OTUD7A: variants seen among roughly 807,000 people sequenced by gnomAD.
OTUD7A encodes the protein OTU deubiquitinase 7A.
OTUD7A carries 12 observed loss-of-function variants against 65.7 expected under a neutral mutation model. The observed-to-expected ratio is 0.18, with a 90% CI of 0.12 to 0.30. The LOEUF (loss-of-function observed/expected upper bound fraction) is 0.30. Among genes scored for constraint, OTUD7A ranks in the 10% least tolerant of loss-of-function variants. OTUD7A has a pLI of 1.00. For synonymous variants in OTUD7A, 641 were observed against 586.3 expected (o/e 1.09, Z -1.35); for missense variants, 1,148 against 1,304.8 (o/e 0.88, Z 1.85).
At chr15:31,632,923 C>T (rs1891222076) in intron 3 of OTUD7A, among the ~76,000 whole-genome samples, 2 of 152,222 alleles carry the variant, frequency 1.3e-5, no homozygotes, top group Admixed American at 6.5e-5. Flanking sequence ...CCCTCCGAGC[C>T]AGATGCGGGA....
Position 31,511,069 on chromosome 15 carries a change from ATATG to A in OTUD7A, c.894-7255_894-7252del, listed in dbSNP as rs200791232. On this transcript the variant is annotated intron_variant, in intron 8 of 12. Coordinates refer to ENST00000307050, the MANE Select transcript of OTUD7A (RefSeq NM_001382637.1). ...GTATATCTATATGTAACATACATAT[ATATG>A]TATATCTATATGTAACATACATATG... is the stretch of plus-strand genomic sequence containing the variant. Among the ~76,000 whole-genome samples, 21 of 70,810 alleles carry A rather than the reference ATATG, an allele frequency of 3.0e-4. 8 individuals carry two copies. The highest frequency in any genetic ancestry group is 1.3e-3 in the African/African-American group (20 of 15,932). 46.5% of individuals were successfully genotyped at this position (70,810 alleles called of 152,430 possible).
At chr15:31,732,553 T>C (rs1438354773) in intron 1 of OTUD7A, among the ~76,000 whole-genome samples, 1 of 152,254 alleles carries the variant, frequency 6.6e-6, no homozygotes, top group Non-Finnish European at 1.5e-5. Flanking sequence ...ACTAAAAAGT[T>C]GGTTCTTGGA....
chr15:31,653,085 C>T (rs1339250793), intron 3 of OTUD7A, among the ~76,000 whole-genome samples: 9 of 151,906 alleles, frequency 5.9e-5, no homozygotes, highest in Non-Finnish European at 1.3e-4. Context: ...CCCGTCTCTA[C>T]TAAAAATACA....
intron 10 of OTUD7A, among the ~76,000 whole-genome samples, chr15:31,492,882 T>C (rs1438648259): frequency 6.6e-6 from 1 of 152,060 alleles, no homozygotes; most frequent in African/African-American, 2.4e-5. Flanking sequence ...TCAGACTGGA[T>C]GAAAAAGCAA....
chr15:31,625,410 T>A (rs1449789343), intron 3 of OTUD7A, among the ~76,000 whole-genome samples: 1 of 150,878 alleles, frequency 6.6e-6, no homozygotes, highest in Non-Finnish European at 1.5e-5. Flanking sequence ...CATTCCTGAT[T>A]TAAAAAAAAA....
At chr15:31,543,058 G>A (rs1351440488) in intron 5 of OTUD7A, among the ~76,000 whole-genome samples, 2 of 151,878 alleles carry the variant, frequency 1.3e-5, no homozygotes, top group Non-Finnish European at 3.0e-5. Context: ...GTAAGCATAT[G>A]GGTAAATCAA....
intron 1 of OTUD7A, among the ~76,000 whole-genome samples, chr15:31,667,561 T>C (rs542267317): frequency 1.3e-5 from 2 of 152,312 alleles, no homozygotes; most frequent in African/African-American, 4.8e-5. Flanking sequence ...AGATAGTTCA[T>C]TGGTGAGTTC....
At chr15:31,509,122 A>T (rs2041633538) in intron 8 of OTUD7A, among the ~76,000 whole-genome samples, 1 of 152,078 alleles carries the variant, frequency 6.6e-6, no homozygotes, top group South Asian at 2.1e-4. Flanking sequence ...TAGACTTTTT[A>T]AAACTTTTTA....
intron 1 of OTUD7A, among the ~76,000 whole-genome samples, chr15:31,834,439 T>G (rs957529507): frequency 6.6e-6 from 1 of 152,252 alleles, no homozygotes; most frequent in African/African-American, 2.4e-5. Context: ...TCATGTTTAT[T>G]TAAAGTTTTC....
Position 31,503,749 on chromosome 15 carries a change from T to A in OTUD7A, c.963A>T (p.Ile321=). Reference sequence around the variant, plus strand: ...CCACAACAACGATGGGCCTTCTTAATATATGGGCTAGGACAAAAACGTGGA... The same window carrying A: ...CCACAACAACGATGGGCCTTCTTAAAATATGGGCTAGGACAAAAACGTGGA... ...EEFHVFVLAH[I]LRRPIVVVAD... Residue 321 remains isoleucine (I), a synonymous_variant, in exon 9 of 13, where the codon ATA becomes ATT. Coordinates refer to ENST00000307050, the MANE Select transcript of OTUD7A (RefSeq NM_001382637.1). 6.2e-7 allele frequency: 1 copy of A among 1,614,170 alleles called. No homozygotes were observed. The highest frequency in any genetic ancestry group is 8.5e-7 in the Non-Finnish European group (1 of 1,180,012).
intron 1 of OTUD7A, among the ~76,000 whole-genome samples, chr15:31,737,490 G>A (rs12898600): frequency 0.2 from 30,571 of 152,136 alleles, 3,523 homozygotes; most frequent in Admixed American, 0.28. Flanking sequence ...GGGTCAGAGG[G>A]ATTTATTGAG....
At chr15:31,819,644 T>A (rs1318375900) in intron 1 of OTUD7A, among the ~76,000 whole-genome samples, 1 of 152,126 alleles carries the variant, frequency 6.6e-6, no homozygotes, top group East Asian at 1.9e-4. Context: ...AACGTAATCA[T>A]ATGTGTATAA....
chr15:31,509,197 T>C (rs1185160410), intron 8 of OTUD7A, among the ~76,000 whole-genome samples: 1 of 152,116 alleles, frequency 6.6e-6, no homozygotes, highest in Non-Finnish European at 1.5e-5. Flanking sequence ...TTTTAATGTT[T>C]AGTTTACAGA....
At chr15:31,581,662 C>A (rs1010979638) in intron 3 of OTUD7A, among the ~76,000 whole-genome samples, 1 of 152,202 alleles carries the variant, frequency 6.6e-6, no homozygotes, top group Non-Finnish European at 1.5e-5. Flanking sequence ...TCTACATGGG[C>A]CCTTTTTAGC....
rs562449141 is a variant in OTUD7A at position 31,596,334 on chromosome 15, T to C, written c.152-26137A>G. Among the ~76,000 whole-genome samples the C allele has an allele frequency of 1.2e-4, 18 of 152,336 alleles. No individual in the cohort carries two copies. The South Asian group carries it at 3.5e-3, about 30-fold the overall frequency. On this transcript the variant is annotated intron_variant, in intron 3 of 12. Transcript: ENST00000307050. ...ATCAGTAGTTCACTGCTTTTAACCA[T>C]TGAGTACTATCTACTGTGCGGATGC...
chr15:31,858,300 G>A (rs1048125251), intron 1 of OTUD7A, among the ~76,000 whole-genome samples: 2 of 152,194 alleles, frequency 1.3e-5, no homozygotes, highest in African/African-American at 2.4e-5. Flanking sequence ...AAGATGTTCT[G>A]GGAGGCCTGA....
intron 1 of OTUD7A, among the ~76,000 whole-genome samples, chr15:31,716,310 TTGATTAATA>T (rs1893583627): frequency 3.5e-3 from 1 of 284 alleles, no homozygotes; most frequent in Non-Finnish European, 0.071. Flanking sequence ...ATATGTAATA[TTGATTAATA>T]TATTACATAT....
At chr15:31,685,787 T>C (rs1204033457) in intron 1 of OTUD7A, among the ~76,000 whole-genome samples, 3 of 152,192 alleles carry the variant, frequency 2.0e-5, no homozygotes, top group Admixed American at 6.5e-5. Context: ...AATTGAGCTT[T>C]TGCACGCTCT....
intron 1 of OTUD7A, among the ~76,000 whole-genome samples, chr15:31,770,819 A>G (rs181876445): frequency 5.6e-4 from 86 of 152,388 alleles, no homozygotes; most frequent in African/African-American, 2.0e-3. Context: ...CACTAGATAC[A>G]GAACATACAG....
Sources: gnomAD v4.1 joint callset for allele counts (sites outside exome capture counted in the v4.1 genomes callset) on GRCh38, gnomAD v4.1.1 for gene constraint, MANE v1.5 for transcripts, NCBI Gene and HGNC (gene_info 2026-07-23, HGNC 2026-07-21) for gene names.